Variants in SRPK2 observed in about 807,000 individuals in gnomAD.
SRPK2 encodes the protein SFRS protein kinase 2.
Under a neutral mutation model 90.8 loss-of-function variants are expected in SRPK2, and 21 were observed. The observed-to-expected ratio is 0.23, with a 90% confidence interval of 0.16 to 0.33. The LOEUF (loss-of-function observed/expected upper bound fraction) is 0.33. SRPK2 is among the 10% of genes least tolerant of loss of function. The probability of loss-of-function intolerance (pLI) is 1.00; values close to 1 mark genes in which losing one functional copy is unlikely to be tolerated. For synonymous variants in SRPK2, 288 were observed against 311.1 expected (o/e 0.93, Z 0.78); for missense variants, 620 against 869.0 (o/e 0.71, Z 3.60).
At chr7:105,381,906 G>A (rs1231467600) in intron 2 of SRPK2, among the ~76,000 whole-genome samples, 3 of 152,122 alleles carry the variant, frequency 2.0e-5, no homozygotes, top group Non-Finnish European at 2.9e-5. Context: ...GGTGGCTCAC[G>A]CCTGTAATCC....
intron 2 of SRPK2, among the ~76,000 whole-genome samples, chr7:105,262,377 G>C (rs893936449): frequency 1.3e-5 from 2 of 152,112 alleles, no homozygotes; most frequent in Admixed American, 6.5e-5. Context: ...ACAGACCTAA[G>C]GTGGCCTACC....
intron 3 of SRPK2, 80 bp downstream of exon 3, chr7:105,203,548 C>A: frequency 7.3e-7 from 1 of 1,375,940 alleles, no homozygotes; most frequent in Non-Finnish European, 9.5e-7. Flanking sequence ...CTACCTCCTC[C>A]CCTTGTCCAT....
upstream of SRPK2, chr7:105,389,207 GACCC>G: frequency 8.6e-7 from 1 of 1,163,688 alleles, no homozygotes; most frequent in South Asian, 1.6e-5. Flanking sequence ...GGACCCGCGG[GACCC>G]TCCCTCCCCG....
intron 2 of SRPK2, among the ~76,000 whole-genome samples, chr7:105,261,933 A>T (rs1421848167): frequency 6.6e-6 from 1 of 152,224 alleles, no homozygotes; most frequent in Non-Finnish European, 1.5e-5. Flanking sequence ...GGACATGACC[A>T]AAGGAAGAGA....
At chr7:105,273,981 A>C (rs564867427) in intron 2 of SRPK2, among the ~76,000 whole-genome samples, 2 of 152,328 alleles carry the variant, frequency 1.3e-5, no homozygotes, top group Admixed American at 6.5e-5. Flanking sequence ...TGAATTTATA[A>C]AGGGGAAATC....
chr7:105,173,683 A>G (rs1228125026), intron 3 of SRPK2, among the ~76,000 whole-genome samples: 1 of 152,244 alleles, frequency 6.6e-6, no homozygotes, highest in African/African-American at 2.4e-5. Context: ...AAACAAGTAC[A>G]GTCACTAGAC....
At chr7:105,154,058 G>A (rs1562997615) in intron 7 of SRPK2, among the ~76,000 whole-genome samples, 3 of 152,204 alleles carry the variant, frequency 2.0e-5, no homozygotes, top group South Asian at 4.1e-4. Flanking sequence ...CCAGAGACAC[G>A]CTCAAACCAA....
intron 2 of SRPK2, among the ~76,000 whole-genome samples, chr7:105,260,408 A>G (rs1371816563): frequency 1.3e-5 from 2 of 152,230 alleles, no homozygotes; most frequent in African/African-American, 4.8e-5. Flanking sequence ...GATGTGGAGA[A>G]ATAGGAAGGC....
At chr7:105,358,223 C>CCA (rs1818012271) in intron 2 of SRPK2, among the ~76,000 whole-genome samples, 1 of 53,648 alleles carries the variant, frequency 1.9e-5, no homozygotes, top group Non-Finnish European at 3.2e-5. Context: ...GACTCCGTCT[C>CCA]AAAAAAAAAA....
At chr7:105,281,471 T>G (rs1210988071) in intron 2 of SRPK2, among the ~76,000 whole-genome samples, 2 of 152,126 alleles carry the variant, frequency 1.3e-5, no homozygotes, top group Admixed American at 6.5e-5. Context: ...GCATAGAAAC[T>G]AAAAGTTAAA....
At chr7:105,317,688 A>G (rs1371919858) in intron 2 of SRPK2, among the ~76,000 whole-genome samples, 1 of 152,246 alleles carries the variant, frequency 6.6e-6, no homozygotes, top group Non-Finnish European at 1.5e-5. Flanking sequence ...TCTGTCTTCA[A>G]TTAAGCCAGA....
At chr7:105,183,355 A>G (rs1793137823) in intron 3 of SRPK2, among the ~76,000 whole-genome samples, 1 of 152,228 alleles carries the variant, frequency 6.6e-6, no homozygotes, top group South Asian at 2.1e-4. Context: ...CTCCAGAACC[A>G]TGTCTCAATA....
intron 3 of SRPK2, among the ~76,000 whole-genome samples, chr7:105,197,470 A>C (rs1426641454): frequency 6.6e-6 from 1 of 152,198 alleles, no homozygotes; most frequent in African/African-American, 2.4e-5. Context: ...CAGCCTGCTC[A>C]TGCCGACATG....
At chr7:105,303,996 T>C (rs995244178) in intron 2 of SRPK2, among the ~76,000 whole-genome samples, 1 of 152,320 alleles carries the variant, frequency 6.6e-6, no homozygotes, top group South Asian at 2.1e-4. Context: ...AAAGTTTTCA[T>C]TACGACCTGA....
chr7:105,176,567 G>C (rs1791884808), intron 3 of SRPK2, among the ~76,000 whole-genome samples: 1 of 130,016 alleles, frequency 7.7e-6, no homozygotes, highest in African/African-American at 2.8e-5. Flanking sequence ...ATGTGTGTGT[G>C]TGTGTGTGTG....
intron 2 of SRPK2, among the ~76,000 whole-genome samples, chr7:105,365,856 T>C (rs1818985731): frequency 6.6e-6 from 1 of 150,854 alleles, no homozygotes; most frequent in Non-Finnish European, 1.5e-5. Context: ...AATGATTTTA[T>C]TTCTTCCTTT....
intron 2 of SRPK2, among the ~76,000 whole-genome samples, chr7:105,350,223 CCT>C (rs1408208807): frequency 1.5e-4 from 23 of 148,868 alleles, no homozygotes; most frequent in African/African-American, 5.2e-4. Context: ...CTCCGCCTCC[CCT>C]GTTTTAGGTA....
rs2129570721 is a variant in SRPK2 at position 105,116,902 on chromosome 7, T to C, written c.*936A>G. 6.6e-6 allele frequency: 1 copy of C among 152,340 alleles called. No homozygotes were observed. The highest frequency in any genetic ancestry group is 1.5e-5 in the Non-Finnish European group (1 of 68,038). 9.4% of individuals were successfully genotyped at this position (152,340 alleles called of 1,614,324 possible). ...TTCTAGACAAGCATGATCATGCTTT[T>C]CCAAAAATATATGTATTTTTTCATT... On this transcript the variant is annotated 3_prime_UTR_variant, in exon 16 of 16. Coordinates refer to ENST00000393651, the MANE Select transcript of SRPK2 (RefSeq NM_182692.3).
chr7:105,375,983 C>CTTTTT (rs34445430), intron 2 of SRPK2, among the ~76,000 whole-genome samples: 822 of 63,238 alleles, frequency 0.013, 71 homozygotes, highest in Non-Finnish European at 0.015. Flanking sequence ...GAATTCATTT[C>CTTTTT]TTTTTTTTTT....
Sources: gnomAD v4.1 joint callset for allele counts (sites outside exome capture counted in the v4.1 genomes callset) on GRCh38, gnomAD v4.1.1 for gene constraint, MANE v1.5 for transcripts, NCBI Gene and HGNC (gene_info 2026-07-23, HGNC 2026-07-21) for gene names.